Variants in LRRFIP1 observed in about 807,000 individuals in gnomAD.
The protein encoded by LRRFIP1 is leucine-rich repeat flightless-interacting protein 1.
In LRRFIP1, 62 loss-of-function variants were observed where a neutral mutation model predicts 104.4. The observed-to-expected ratio is 0.59, with a 90% CI of 0.48 to 0.73. The LOEUF is 0.73. LRRFIP1 is among the 30% of genes least tolerant of loss of function. The pLI, the probability that LRRFIP1 is intolerant of heterozygous loss-of-function variation, is 0.00. For synonymous variants in LRRFIP1, 300 were observed against 299.0 expected (o/e 1.00, Z -0.03); for missense variants, 796 against 824.5 (o/e 0.97, Z 0.42).
chr2:237,630,566 A>G (rs1233684518), intron 1 of LRRFIP1, among the ~76,000 whole-genome samples: 1 of 152,366 alleles, frequency 6.6e-6, no homozygotes, highest in East Asian at 1.9e-4. Context: ...ACAGCCGGCC[A>G]GTGGTCTCAG....
chr2:237,764,153 G>A (rs747076089), intron 19 of LRRFIP1: 25 of 1,614,040 alleles, frequency 1.5e-5, no homozygotes, highest in South Asian at 5.5e-5. Flanking sequence ...TGAGGCAGGC[G>A]GCAGGCGCGG....
rs2090459617 is a variant in LRRFIP1, at chr2:237,672,191, A to G, written c.97-36353A>G. ...TAAAATATATAATATTGCATCATATACAATATTGGCCTGTACCAAGCACCT... is the reference window on the plus strand; with the variant it reads ...TAAAATATATAATATTGCATCATATGCAATATTGGCCTGTACCAAGCACCT... On this transcript the variant is annotated intron_variant, in intron 1 of 23. Coordinates refer to ENST00000308482, the MANE Select transcript of LRRFIP1 (RefSeq NM_001137550.2). 2.0e-5 allele frequency among the ~76,000 whole-genome samples: 3 copies of G among 152,104 alleles called. No homozygotes were observed. In the South Asian group the frequency reaches 6.2e-4, roughly 32 times the overall value.
Position 237,758,768 on chromosome 2 carries a change from A to C in LRRFIP1, c.1264A>C (p.Ser422Arg), listed in dbSNP as rs571243009. ...GAAAGAGTTCTTTGATTCCGTAAGG[A>C]GTGAACGGGATGATCTTAGAGAAGA... ...RQKEFFDSVR[S>R]ERDDLREEVV... Residue 422 changes from serine to arginine, a missense_variant, in exon 18 of 24, where the codon AGT (serine) becomes CGT (arginine). Physicochemically the swap from Ser to Arg is moderately radical, Grantham distance 110. Coordinates refer to ENST00000308482, the MANE Select transcript of LRRFIP1 (RefSeq NM_001137550.2). 47 of 1,613,738 alleles carry C rather than the reference A, an allele frequency of 2.9e-5. No homozygotes were observed. In the South Asian group the frequency reaches 4.8e-4, roughly 17 times the overall value.
At position 237,766,345 on chromosome 2, in the gene LRRFIP1, T is replaced by C. The variant is rs1576394725; in HGVS notation, c.1460-3598T>C. Among the ~76,000 whole-genome samples the C allele has an allele frequency of 6.6e-6, 1 of 152,206 alleles. No individual in the cohort carries two copies. Among genetic ancestry groups the C allele is most frequent in the Non-Finnish European group, 1.5e-5 (1 of 68,034 alleles). On this transcript the variant is annotated intron_variant, in intron 19 of 23. Coordinates refer to ENST00000308482, the MANE Select transcript of LRRFIP1 (RefSeq NM_001137550.2). The surrounding 1 kb of genome is among the most constrained non-coding windows in gnomAD (Gnocchi z 4.8). The stretch of plus-strand genomic sequence containing the variant: ...TGCTAGGAAATAAGTCCAAGGGCTC[T>C]ATAGGACTTCACAGGGTTTTAGTTT...
intron 12 of LRRFIP1, among the ~76,000 whole-genome samples, 164 bp from the exon 13 acceptor site, chr2:237,749,035 C>T (rs1470094234): frequency 1.3e-5 from 2 of 152,196 alleles, no homozygotes; most frequent in Admixed American, 6.5e-5. Flanking sequence ...AGCCCACTCA[C>T]TATCACGAGA....
intron 1 of LRRFIP1, among the ~76,000 whole-genome samples, chr2:237,668,128 G>C (rs565521639): frequency 6.6e-6 from 1 of 152,006 alleles, no homozygotes; most frequent in Admixed American, 6.5e-5. Flanking sequence ...TGCCTGAGCC[G>C]GGGCTCCCCC....
intron 6 of LRRFIP1, 53 bp from the exon 7 acceptor site, chr2:237,723,495 T>C: frequency 1.3e-6 from 2 of 1,588,742 alleles, no homozygotes; most frequent in Non-Finnish European, 1.7e-6. Context: ...AAATTTACTT[T>C]TGGCAACTCT....
At chr2:237,746,955 AG>A in intron 11 of LRRFIP1, among the ~76,000 whole-genome samples, 1 of 152,230 alleles carries the variant, frequency 6.6e-6, no homozygotes, top group Non-Finnish European at 1.5e-5. Flanking sequence ...CACTGGCCTG[AG>A]GGATGTGGCC....
chr2:237,650,986 G>A (rs533507766), intron 1 of LRRFIP1, among the ~76,000 whole-genome samples: 2 of 152,134 alleles, frequency 1.3e-5, no homozygotes, highest in African/African-American at 4.8e-5. Context: ...GGTCACTCTG[G>A]GGTATGGGTT....
At chr2:237,679,677 C>T (rs914991319) in intron 1 of LRRFIP1, among the ~76,000 whole-genome samples, 4 of 152,132 alleles carry the variant, frequency 2.6e-5, no homozygotes, top group Non-Finnish European at 5.9e-5. Flanking sequence ...GGCATGATCT[C>T]GGCTCACTGC....
At chr2:237,731,283 C>T (rs765974602) in intron 8 of LRRFIP1, among the ~76,000 whole-genome samples, 2 of 152,206 alleles carry the variant, frequency 1.3e-5, no homozygotes, top group Non-Finnish European at 2.9e-5. Flanking sequence ...CCCCTATTCT[C>T]GTTTCCCTCC....
intron 13 of LRRFIP1, 101 bp downstream of exon 13, chr2:237,749,425 T>A: frequency 7.1e-7 from 1 of 1,404,210 alleles, no homozygotes; most frequent in Non-Finnish European, 9.6e-7. Flanking sequence ...TCTGGATCTT[T>A]CTTCTTGGTC....
intron 1 of LRRFIP1, among the ~76,000 whole-genome samples, chr2:237,651,322 C>T (rs997791053): frequency 6.6e-6 from 1 of 152,214 alleles, no homozygotes; most frequent in African/African-American, 2.4e-5. Context: ...GCACTGTGTT[C>T]TCACACAACC....
In LRRFIP1 at chr2:237,685,769, A is replaced by G. The variant is rs541109252; in HGVS notation, c.97-22775A>G. Among the ~76,000 whole-genome samples the G allele has an allele frequency of 2.0e-5, 3 of 152,112 alleles. No homozygotes were observed. The South Asian group carries it at 6.2e-4, about 32-fold the overall frequency. ...CCTTTCAGCCTCCAGACAGGCTCAC[A>G]TCTCTTCCATCCTTAAAAACCGACA... On this transcript the variant is annotated intron_variant, in intron 1 of 23. Coordinates refer to ENST00000308482, the MANE Select transcript of LRRFIP1 (RefSeq NM_001137550.2).
intron 7 of LRRFIP1, among the ~76,000 whole-genome samples, chr2:237,724,758 C>G (rs1377879100): frequency 1.3e-5 from 2 of 152,050 alleles, no homozygotes; most frequent in Non-Finnish European, 1.5e-5. Context: ...GAGCTAGCCC[C>G]CAGTGGGATA....
intron 8 of LRRFIP1, among the ~76,000 whole-genome samples, chr2:237,733,542 G>A (rs2095107803): frequency 6.6e-6 from 1 of 152,292 alleles, no homozygotes; most frequent in Non-Finnish European, 1.5e-5. Context: ...AAGATGCTGG[G>A]AAGTTTACTG....
At chr2:237,745,599 C>T (rs924320221) in intron 11 of LRRFIP1, among the ~76,000 whole-genome samples, 7 of 152,136 alleles carry the variant, frequency 4.6e-5, no homozygotes, top group African/African-American at 1.7e-4. Flanking sequence ...GCCCTGCCCC[C>T]CCAAAATCAA....
rs188541187 is a variant in LRRFIP1, at chr2:237,647,772, G to A, written c.96+20032G>A. Among the ~76,000 whole-genome samples, 483 of 139,286 alleles carry A rather than the reference G, an allele frequency of 3.5e-3. 16 individuals are homozygous for A. Among genetic ancestry groups the A allele is most frequent in the Admixed American group, 0.028 (408 of 14,364 alleles). The allele number at this position is 139,286 out of a possible 152,430, so 91.4% of individuals were successfully genotyped here. On this transcript the variant is annotated intron_variant, in intron 1 of 23. Coordinates refer to ENST00000308482, the MANE Select transcript of LRRFIP1 (RefSeq NM_001137550.2). ...GGTCACGCCCTGTCACCCCGTGGCCGGCCACTCACTGCAGGCAGGTGGAGG... is the reference window on the plus strand; with the variant it reads ...GGTCACGCCCTGTCACCCCGTGGCCAGCCACTCACTGCAGGCAGGTGGAGG...
intron 6 of LRRFIP1, among the ~76,000 whole-genome samples, chr2:237,722,922 C>T (rs1262212233): frequency 1.3e-5 from 2 of 152,204 alleles, no homozygotes; most frequent in Non-Finnish European, 2.9e-5. Context: ...GGACTGGCAT[C>T]TCGCTCTATT....
Sources: allele counts gnomAD v4.1 joint callset (sites outside exome capture counted in the v4.1 genomes callset), GRCh38; gene constraint gnomAD v4.1.1; non-coding constraint Gnocchi (gnomAD v3.1); transcripts MANE v1.5; gene names NCBI Gene and HGNC (gene_info 2026-07-23, HGNC 2026-07-21).